Variants in GCSAML observed in about 807,000 individuals in gnomAD.
GCSAML encodes germinal center-associated signaling and motility-like protein.
In GCSAML, 9 loss-of-function variants were observed where a neutral mutation model predicts 13.0. That is an observed-to-expected ratio of 0.69 (90% CI 0.42 to 1.21). The LOEUF is 1.21. GCSAML is among the 50% of genes most tolerant of loss of function. The pLI, the probability that GCSAML is intolerant of heterozygous loss-of-function variation, is 0.00. For synonymous variants in GCSAML, 37 were observed against 52.9 expected, an observed-to-expected ratio of 0.70 and a Z score of 1.31; for missense variants, 143 against 153.4, an observed-to-expected ratio of 0.93 and a Z score of 0.36.
At chr1:247,547,016 C>T (rs1037164905), upstream of GCSAML, among the ~76,000 whole-genome samples, 22 of 151,468 alleles carry the variant, frequency 1.5e-4, no homozygotes, top group African/African-American at 4.9e-4. Context: ...GAGGGAGGAT[C>T]GCTTGAGTCT....
intron 1 of GCSAML, among the ~76,000 whole-genome samples, chr1:247,549,664 A>G (rs1265556397): frequency 1.3e-5 from 2 of 152,160 alleles, no homozygotes; most frequent in African/African-American, 4.8e-5. Context: ...GTGGGTGTAG[A>G]GCTTAACTTT....
In GCSAML at chr1:247,522,316, C is replaced by T. The variant is rs1380563253; in HGVS notation, c.-262-4624C>T. On this transcript the variant is annotated intron_variant, in intron 1 of 5. Transcript: ENST00000366489. ...GGAGGTGGGGGGCGCCTCCACCTGG[C>T]CGCCGCCCCGTCTGGGAGGTGGGGG... 2.5e-5 allele frequency among the ~76,000 whole-genome samples: 2 copies of T among 79,028 alleles called. 1 individual carries two copies. Among genetic ancestry groups the T allele is most frequent in the African/African-American group, 8.9e-5 (2 of 22,500 alleles). 51.8% of individuals were successfully genotyped at this position (79,028 alleles called of 152,430 possible).
intron 2 of GCSAML, chr1:247,529,305 G>C (rs1447880051): frequency 6.6e-6 from 1 of 152,210 alleles, no homozygotes; most frequent in Non-Finnish European, 1.5e-5. Context: ...CACAGCAAAA[G>C]GGGTGTGGCA....
chr1:247,540,281 T>G (rs531058183), intron 2 of GCSAML, among the ~76,000 whole-genome samples: 1 of 152,316 alleles, frequency 6.6e-6, no homozygotes, highest in East Asian at 1.9e-4. Flanking sequence ...TCCACCTGCC[T>G]AAGCCTCCCA....
rs149330120 is a variant in GCSAML, at chr1:247,515,727, G to T, written c.-263+8494G>T. Among the ~76,000 whole-genome samples the T allele has an allele frequency of 1.2e-4, 19 of 152,264 alleles. No homozygotes were observed. The East Asian group carries it at 3.7e-3, about 29-fold the overall frequency. ...GGTGCCACACACTTTTAAACAACCA[G>T]ATCTTGTGAGAACTCATTCACTATC... On this transcript the variant is annotated intron_variant, in intron 1 of 5. Coordinates refer to the GCSAML transcript ENST00000366489.
intron 1 of GCSAML, among the ~76,000 whole-genome samples, chr1:247,514,893 C>A (rs997688535): frequency 6.6e-6 from 1 of 152,122 alleles, no homozygotes; most frequent in Non-Finnish European, 1.5e-5. Flanking sequence ...AGTTGGGTAA[C>A]AATGCCTCCA....
chr1:247,547,972 A>G (rs1043902685), upstream of GCSAML, among the ~76,000 whole-genome samples: 4 of 152,198 alleles, frequency 2.6e-5, no homozygotes, highest in Non-Finnish European at 5.9e-5. Flanking sequence ...TCTCATGTTT[A>G]TAATCGATAA....
intron 2 of GCSAML, chr1:247,531,095 C>T: frequency 6.2e-6 from 1 of 162,126 alleles, no homozygotes; most frequent in South Asian, 1.7e-4. Context: ...GGTTCCGGAG[C>T]CTGCAAGGCG....
chr1:247,539,342 A>AC (rs1460597508), intron 2 of GCSAML, among the ~76,000 whole-genome samples: 1 of 152,184 alleles, frequency 6.6e-6, no homozygotes, highest in African/African-American at 2.4e-5. Flanking sequence ...GGGCACTGTG[A>AC]CATCTAAAGG....
chr1:247,532,368 C>A, intron 2 of GCSAML: 2 of 1,614,034 alleles, frequency 1.2e-6, no homozygotes, highest in South Asian at 1.1e-5. Context: ...TATGGGAGAC[C>A]AGAATGATGA....
chr1:247,516,712 A>C (rs1402295123), intron 1 of GCSAML, among the ~76,000 whole-genome samples: 3 of 152,204 alleles, frequency 2.0e-5, no homozygotes, highest in Non-Finnish European at 4.4e-5. Context: ...ATGGAAAACA[A>C]GAGGGATGCA....
At chr1:247,531,839 C>T (rs1475160175) in intron 2 of GCSAML, 3 of 1,614,180 alleles carry the variant, frequency 1.9e-6, no homozygotes, top group Non-Finnish European at 2.5e-6. Flanking sequence ...TTCAACACGG[C>T]CCGGGCAATG....
intron 1 of GCSAML, among the ~76,000 whole-genome samples, chr1:247,515,020 A>T (rs1361146972): frequency 6.6e-6 from 1 of 152,102 alleles, no homozygotes; most frequent in Non-Finnish European, 1.5e-5. Context: ...TTTTGATGGG[A>T]ATTGCATTGA....
chr1:247,530,721 T>G (rs1201434979), intron 2 of GCSAML: 1 of 152,240 alleles, frequency 6.6e-6, no homozygotes, highest in Non-Finnish European at 1.5e-5. Context: ...AATATGAAAA[T>G]GTCTTGGAAA....
At chr1:247,562,645 A>G (rs1488759512) in intron 2 of GCSAML, among the ~76,000 whole-genome samples, 1 of 152,102 alleles carries the variant, frequency 6.6e-6, no homozygotes, top group African/African-American at 2.4e-5. Flanking sequence ...CAGGCAGCTG[A>G]TTACAAGTTA....
chr1:247,525,139 G>A (rs1463952699), intron 1 of GCSAML: 1 of 152,176 alleles, frequency 6.6e-6, no homozygotes, highest in Admixed American at 6.5e-5. Context: ...TGTTCTATAA[G>A]GAAAAACAAA....
At chr1:247,538,070 C>T (rs899392630) in intron 2 of GCSAML, among the ~76,000 whole-genome samples, 1 of 152,026 alleles carries the variant, frequency 6.6e-6, no homozygotes, top group Middle Eastern at 3.2e-3. Flanking sequence ...GTGAGACTTC[C>T]AAGGTCATGA....
intron 2 of GCSAML, among the ~76,000 whole-genome samples, chr1:247,539,633 G>A (rs1452751707): frequency 6.6e-6 from 1 of 152,166 alleles, no homozygotes; most frequent in Non-Finnish European, 1.5e-5. Flanking sequence ...GGCAAGTTAA[G>A]TCTGGGCCTA....
At chr1:247,574,073 AG>A in intron 4 of GCSAML, 69 bp from the exon 5 acceptor site, 2 of 1,556,244 alleles carry the variant, frequency 1.3e-6, no homozygotes, top group Non-Finnish European at 1.8e-6. Context: ...GAAGAAGGGA[AG>A]GTAGTACACT....
Sources: gnomAD v4.1 joint callset for allele counts (sites outside exome capture counted in the v4.1 genomes callset) on GRCh38, gnomAD v4.1.1 for gene constraint, MANE v1.5 for transcripts, NCBI Gene and HGNC (gene_info 2026-07-23, HGNC 2026-07-21) for gene names.